Variants in NELL1 observed in about 807,000 individuals in gnomAD.
The protein encoded by NELL1 is protein kinase C-binding protein NELL1.
A neutral mutation model predicts 107.4 loss-of-function variants in NELL1; 76 were observed. That is an observed-to-expected ratio of 0.71 (90% CI 0.59 to 0.86). The LOEUF (loss-of-function observed/expected upper bound fraction) is 0.86. Among genes scored for constraint, NELL1 ranks in the 40% least tolerant of loss-of-function variants. NELL1 has a pLI of 0.00. For missense variants in NELL1, 1,024 were observed against 1,005.5 expected (o/e 1.02, Z -0.25); for synonymous variants, 353 against 341.2 (o/e 1.03, Z -0.38).
At chr11:21,390,094 C>G (rs1851833820) in intron 15 of NELL1, among the ~76,000 whole-genome samples, 2 of 151,674 alleles carry the variant, frequency 1.3e-5, no homozygotes, top group Non-Finnish European at 2.9e-5. Context: ...TCATTTTAGC[C>G]ATACTGGTAG....
At chr11:20,758,289 C>T (rs1219971927) in intron 2 of NELL1, among the ~76,000 whole-genome samples, 3 of 152,142 alleles carry the variant, frequency 2.0e-5, no homozygotes, top group Non-Finnish European at 4.4e-5. Flanking sequence ...ATTGTCCTCC[C>T]ACGAGACCCA....
chr11:21,502,958 C>T (rs868844803), intron 15 of NELL1, among the ~76,000 whole-genome samples: 1 of 152,124 alleles, frequency 6.6e-6, no homozygotes, highest in Admixed American at 6.5e-5. Context: ...TCTAGGCTCA[C>T]CACAACTTCC....
intron 13 of NELL1, among the ~76,000 whole-genome samples, chr11:21,150,505 G>A (rs1362986481): frequency 6.6e-6 from 1 of 152,270 alleles, no homozygotes; most frequent in East Asian, 1.9e-4. Context: ...TGAGGGACTG[G>A]TAATGTGAAG....
intron 15 of NELL1, among the ~76,000 whole-genome samples, chr11:21,413,534 C>T (rs1590913520): frequency 1.3e-5 from 2 of 152,102 alleles, no homozygotes. Flanking sequence ...ATCTGATTTC[C>T]ACAGAGGTTC....
chr11:21,336,653 A>G (rs79646624), intron 14 of NELL1, among the ~76,000 whole-genome samples: 16,980 of 78,300 alleles, frequency 0.22, 1,303 homozygotes, highest in Non-Finnish European at 0.33. Flanking sequence ...ATGTGTGTGT[A>G]TATATATATA....
chr11:21,097,215 C>G (rs1854665213), intron 12 of NELL1, among the ~76,000 whole-genome samples: 1 of 152,146 alleles, frequency 6.6e-6, no homozygotes, highest in Admixed American at 6.5e-5. Flanking sequence ...TGCTGACTGT[C>G]AGATTTACCC....
chr11:21,095,856 C>A (rs757798688), intron 12 of NELL1, among the ~76,000 whole-genome samples: 1 of 152,110 alleles, frequency 6.6e-6, no homozygotes, highest in Non-Finnish European at 1.5e-5. Context: ...GTAATCCACC[C>A]GCCTCAGCCT....
At chr11:20,693,929 G>T (rs1222231441) in intron 2 of NELL1, among the ~76,000 whole-genome samples, 2 of 152,086 alleles carry the variant, frequency 1.3e-5, no homozygotes, top group African/African-American at 4.8e-5. Context: ...ACACCAATCA[G>T]ACGCAGATTT....
At chr11:20,709,906 T>C (rs1254935169) in intron 2 of NELL1, among the ~76,000 whole-genome samples, 2 of 152,246 alleles carry the variant, frequency 1.3e-5, no homozygotes, top group African/African-American at 4.8e-5. Flanking sequence ...TTTTGTATCC[T>C]GAATCTTTAC....
chr11:21,227,783 G>A lies in NELL1; in HGVS notation c.1427-1549G>A, dbSNP rs944831408. Among the ~76,000 whole-genome samples, 5 of 152,066 alleles carry A rather than the reference G, an allele frequency of 3.3e-5. No individual in the cohort carries two copies. The East Asian group carries it at 7.7e-4, about 23-fold the overall frequency. On this transcript the variant is annotated intron_variant, in intron 13 of 19. Coordinates refer to ENST00000357134, the MANE Select transcript of NELL1 (RefSeq NM_006157.5). ...GCTGACAGTTTGGGTTGGTCTTAAG[G>A]CCTAAATAAAAATTTTATTTGGAAA...
At position 20,943,961 on chromosome 11, in the gene NELL1, C is replaced by T. The variant is rs140836913; in HGVS notation, c.1072-3375C>T. 4.2e-3 allele frequency among the ~76,000 whole-genome samples: 636 copies of T among 152,208 alleles called. 6 individuals are homozygous for T. Among genetic ancestry groups the T allele is most frequent in the African/African-American group, 0.014 (587 of 41,532 alleles). On this transcript the variant is annotated intron_variant, in intron 10 of 19. Transcript: ENST00000357134. Reference sequence around the variant, plus strand: ...AAAAGGCCATGGAAGAGCTTTGGGACATAGTTAATGGATATTGTCAGCAGA... The same window carrying T: ...AAAAGGCCATGGAAGAGCTTTGGGATATAGTTAATGGATATTGTCAGCAGA...
chr11:20,804,863 T>C, intron 3 of NELL1, among the ~76,000 whole-genome samples: 1 of 152,210 alleles, frequency 6.6e-6, no homozygotes, highest in East Asian at 1.9e-4. Context: ...ATGATCTGTC[T>C]GAAAGTACGG....
intron 14 of NELL1, among the ~76,000 whole-genome samples, chr11:21,277,868 G>T (rs976288000): frequency 2.0e-5 from 3 of 152,132 alleles, no homozygotes; most frequent in Non-Finnish European, 2.9e-5. Flanking sequence ...ACGGACACAG[G>T]AATAGGAACA....
chr11:21,077,546 C>A (rs1162775671), intron 12 of NELL1, among the ~76,000 whole-genome samples: 1 of 151,986 alleles, frequency 6.6e-6, no homozygotes, highest in Non-Finnish European at 1.5e-5. Flanking sequence ...AGTTCGAGAC[C>A]AGCCTGGCCA....
chr11:21,055,724 T>C (rs1340322167), intron 12 of NELL1, among the ~76,000 whole-genome samples: 1 of 151,910 alleles, frequency 6.6e-6, no homozygotes, highest in African/African-American at 2.4e-5. Context: ...GTGGGAGAGG[T>C]GGGTCAGGGA....
intron 2 of NELL1, among the ~76,000 whole-genome samples, chr11:20,708,636 A>G (rs1313750015): frequency 6.6e-6 from 1 of 151,998 alleles, no homozygotes; most frequent in African/African-American, 2.4e-5. Flanking sequence ...TCTTTGTCAG[A>G]TGCATAATTT....
intron 2 of NELL1, among the ~76,000 whole-genome samples, chr11:20,696,558 A>G (rs1251693231): frequency 1.3e-5 from 2 of 152,136 alleles, no homozygotes; most frequent in East Asian, 1.9e-4. Context: ...AATGATGTCT[A>G]TCTAGAAGAG....
intron 12 of NELL1, among the ~76,000 whole-genome samples, chr11:21,001,954 C>A (rs1852231777): frequency 6.6e-6 from 1 of 152,154 alleles, no homozygotes; most frequent in Non-Finnish European, 1.5e-5. Flanking sequence ...CTGTTAGAGT[C>A]CCATGTTGGG....
At chr11:20,981,042 G>T (rs922357927) in intron 12 of NELL1, among the ~76,000 whole-genome samples, 1 of 152,190 alleles carries the variant, frequency 6.6e-6, no homozygotes, top group Non-Finnish European at 1.5e-5. Flanking sequence ...ACATGTAATA[G>T]TCATATAACA....
Sources: gnomAD v4.1 joint callset for allele counts (sites outside exome capture counted in the v4.1 genomes callset) on GRCh38, gnomAD v4.1.1 for gene constraint, MANE v1.5 for transcripts, NCBI Gene and HGNC (gene_info 2026-07-23, HGNC 2026-07-21) for gene names.